MCTP2: variants seen among roughly 807,000 people sequenced by gnomAD.
The protein encoded by MCTP2 is multiple C2 and transmembrane domain-containing protein 2.
MCTP2 carries 132 observed loss-of-function variants against 111.6 expected under a neutral mutation model. The observed-to-expected ratio is 1.18, with a 90% CI of 1.03 to 1.37. The LOEUF is 1.37. MCTP2 is among the 40% of genes most tolerant of loss of function. MCTP2 has a pLI of 0.00. For synonymous variants in MCTP2, 395 were observed against 387.7 expected (o/e 1.02, Z -0.22); for missense variants, 1,183 against 1,067.9 (o/e 1.11, Z -1.50).
chr15:94,383,260 A>T (rs1387548027), intron 12 of MCTP2, among the ~76,000 whole-genome samples: 1 of 152,214 alleles, frequency 6.6e-6, no homozygotes, highest in Non-Finnish European at 1.5e-5. Context: ...AGCCATGTAG[A>T]AGCCTGTAAG....
Position 94,475,512 on chromosome 15 carries a change from C to G in MCTP2, c.2471-1184C>G, listed in dbSNP as rs867961379. 3.9e-5 allele frequency among the ~76,000 whole-genome samples: 6 copies of G among 152,280 alleles called. No homozygotes were observed. The Middle Eastern group carries it at 0.017, about 432-fold the overall frequency. On this transcript the variant is annotated intron_variant, in intron 21 of 22. Transcript: ENST00000357742. Reference sequence around the variant, plus strand: ...AATCAAACCCTTTGTGTGTTGGGGACTACTGAACAGTTAAATGTTACCTTG... The same window carrying G: ...AATCAAACCCTTTGTGTGTTGGGGAGTACTGAACAGTTAAATGTTACCTTG...
At chr15:94,240,736 T>G (rs1399111772) in intron 1 of MCTP2, among the ~76,000 whole-genome samples, 1 of 152,178 alleles carries the variant, frequency 6.6e-6, no homozygotes. Flanking sequence ...CTATCCTTTA[T>G]CTGATCCAAG....
At chr15:94,416,634 T>C (rs1324092628) in intron 17 of MCTP2, among the ~76,000 whole-genome samples, 1 of 152,210 alleles carries the variant, frequency 6.6e-6, no homozygotes, top group East Asian at 1.9e-4. Context: ...TGGTTCATTA[T>C]GCATATTCGT....
chr15:94,388,093 G>A (rs2080622092), intron 14 of MCTP2, among the ~76,000 whole-genome samples: 1 of 152,196 alleles, frequency 6.6e-6, no homozygotes, highest in South Asian at 2.1e-4. Context: ...GAAGTACTTT[G>A]GCATTTTCAT....
chr15:94,344,344 A>G (rs1262537345), intron 7 of MCTP2, among the ~76,000 whole-genome samples: 2 of 152,238 alleles, frequency 1.3e-5, no homozygotes, highest in Non-Finnish European at 2.9e-5. Context: ...TAAGAAAAAT[A>G]GTAAATGTGG....
intron 19 of MCTP2, among the ~76,000 whole-genome samples, chr15:94,449,691 G>A (rs528212438): frequency 6.6e-6 from 1 of 152,290 alleles, no homozygotes; most frequent in Non-Finnish European, 1.5e-5. Flanking sequence ...GGTGAGGCAG[G>A]ACTGCTAAAA....
intron 1 of MCTP2, among the ~76,000 whole-genome samples, chr15:94,234,922 A>G (rs1286621123): frequency 2.6e-5 from 4 of 152,128 alleles, no homozygotes; most frequent in Non-Finnish European, 5.9e-5. Context: ...GATGGAGTCC[A>G]GGAGGGTCAT....
chr15:94,392,827 A>C (rs2152465893), intron 14 of MCTP2, among the ~76,000 whole-genome samples: 1 of 152,128 alleles, frequency 6.6e-6, no homozygotes, highest in South Asian at 2.1e-4. Context: ...AAAAACAAAC[A>C]AACAAACAAA....
intron 17 of MCTP2, among the ~76,000 whole-genome samples, chr15:94,439,095 T>C (rs945860801): frequency 1.3e-5 from 2 of 152,178 alleles, no homozygotes; most frequent in African/African-American, 4.8e-5. Flanking sequence ...ATATGTAAAT[T>C]ATTTGCTTTT....
chr15:94,335,214 G>A (rs1278154093), intron 4 of MCTP2, among the ~76,000 whole-genome samples: 2 of 152,132 alleles, frequency 1.3e-5, no homozygotes, highest in African/African-American at 4.8e-5. Flanking sequence ...CCTGCTGCTC[G>A]TGAGTGAACC....
At chr15:94,314,616 C>A (rs2076298364) in intron 3 of MCTP2, 1 of 529,700 alleles carries the variant, frequency 1.9e-6, no homozygotes. Flanking sequence ...GTTTGAAGTG[C>A]TTTGAAACTT....
intron 3 of MCTP2, chr15:94,314,816 G>A (rs73462083): frequency 0.018 from 8,322 of 453,728 alleles, 575 homozygotes; most frequent in African/African-American, 0.15. Context: ...AATATGGCCA[G>A]CAGGAGTTGA....
At chr15:94,408,431 A>G (rs2082003842) in intron 17 of MCTP2, among the ~76,000 whole-genome samples, 1 of 152,230 alleles carries the variant, frequency 6.6e-6, no homozygotes, top group Non-Finnish European at 1.5e-5. Context: ...GTTTTAACAT[A>G]TATAAGATAG....
At chr15:94,354,896 C>T (rs59278034) in intron 8 of MCTP2, among the ~76,000 whole-genome samples, 4 of 152,018 alleles carry the variant, frequency 2.6e-5, no homozygotes, top group African/African-American at 7.3e-5. Flanking sequence ...GAAGATATAG[C>T]GAGCGATGAC....
intron 4 of MCTP2, among the ~76,000 whole-genome samples, chr15:94,322,344 C>G (rs1239719704): frequency 6.6e-6 from 1 of 151,350 alleles, no homozygotes; most frequent in East Asian, 1.9e-4. Context: ...ATGAATCACT[C>G]TCTGCTAAGG....
intron 14 of MCTP2, among the ~76,000 whole-genome samples, chr15:94,393,111 T>C (rs535138528): frequency 2.6e-4 from 40 of 152,272 alleles, no homozygotes; most frequent in Non-Finnish European, 5.0e-4. Flanking sequence ...GTATTATCTA[T>C]GAACATAAAG....
chr15:94,475,177 T>A (rs192792091), intron 21 of MCTP2, among the ~76,000 whole-genome samples: 168 of 152,278 alleles, frequency 1.1e-3, no homozygotes, highest in African/African-American at 3.6e-3. Flanking sequence ...GTGAGAGTAT[T>A]TCAGTGTAAA....
At chr15:94,342,766 A>G (rs1429424074) in intron 7 of MCTP2, 2 of 150,974 alleles carry the variant, frequency 1.3e-5, no homozygotes, top group Non-Finnish European at 3.0e-5. Context: ...ATATATCTCC[A>G]TATATATACA....
At chr15:94,423,694 C>A (rs1315164314) in intron 17 of MCTP2, among the ~76,000 whole-genome samples, 1 of 152,146 alleles carries the variant, frequency 6.6e-6, no homozygotes, top group Non-Finnish European at 1.5e-5. Flanking sequence ...TGTAAGAGTT[C>A]ATATTGGCGG....
Sources: gnomAD v4.1 joint callset for allele counts (sites outside exome capture counted in the v4.1 genomes callset) on GRCh38, gnomAD v4.1.1 for gene constraint, MANE v1.5 for transcripts, NCBI Gene and HGNC (gene_info 2026-07-23, HGNC 2026-07-21) for gene names.